The following RNF175 variants were observed in gnomAD, a reference collection of about 807,000 sequenced individuals.
RNF175 encodes ring finger protein 175.
In RNF175, 38 loss-of-function variants were observed where a neutral mutation model predicts 50.0. That is an observed-to-expected ratio of 0.76 (90% CI 0.59 to 1.00). The LOEUF (loss-of-function observed/expected upper bound fraction) is 1.00, where lower values mean the gene tolerates loss of function less well. Ranked by LOEUF, RNF175 falls within the 50% of genes least tolerant of loss-of-function variation. RNF175 has a pLI of 0.00. For missense variants in RNF175, 388 were observed against 409.6 expected (o/e 0.95, Z 0.46); for synonymous variants, 155 against 146.1 (o/e 1.06, Z -0.44).
intron 6 of RNF175, among the ~76,000 whole-genome samples, chr4:153,719,002 G>C (rs944543380): frequency 6.6e-6 from 1 of 152,072 alleles, no homozygotes; most frequent in Non-Finnish European, 1.5e-5. Context: ...TACACATGCA[G>C]GTTTGTTGCA....
rs1425939983 is a variant in RNF175, at chr4:153,734,830, C to T, written c.247-6469G>A. The stretch of plus-strand genomic sequence containing the variant: ...ACCTGGGACTACAGGCACCCGCCAC[C>T]ACACCCAGCTAATTTTTTGTATTTT... On this transcript the variant is annotated intron_variant, in intron 3 of 8. Coordinates refer to ENST00000347063, the MANE Select transcript of RNF175 (RefSeq NM_173662.4). Among the ~76,000 whole-genome samples the T allele has an allele frequency of 5.3e-5, 8 of 151,860 alleles. No homozygotes were observed. The South Asian group carries it at 1.7e-3, about 32-fold the overall frequency.
chr4:153,733,318 A>G (rs1739148826), intron 3 of RNF175, among the ~76,000 whole-genome samples: 1 of 152,246 alleles, frequency 6.6e-6, no homozygotes, highest in South Asian at 2.1e-4. Context: ...ATAATAATAC[A>G]TGCAGTATAC....
intron 4 of RNF175, 53 bp from the exon 5 acceptor site, chr4:153,723,511 G>A (rs529899370): frequency 1.7e-4 from 128 of 771,294 alleles, no homozygotes; most frequent in Admixed American, 5.5e-4. Flanking sequence ...CAGAAAAATG[G>A]GGAGAAACAC....
At chr4:153,720,538 T>A (rs12509119) in intron 5 of RNF175, 133,879 of 418,226 alleles carry the variant, frequency 0.32, 23,191 homozygotes, top group South Asian at 0.46. Flanking sequence ...AGCCTTCAAG[T>A]GCTTCTTAGG....
At chr4:153,756,721 C>G (rs1217538661) in intron 1 of RNF175, among the ~76,000 whole-genome samples, 1 of 152,174 alleles carries the variant, frequency 6.6e-6, no homozygotes, top group African/African-American at 2.4e-5. Context: ...TGAATAGGAC[C>G]TTGTGTTCTA....
chr4:153,726,551 G>T (rs911645918), intron 4 of RNF175, among the ~76,000 whole-genome samples: 5 of 152,220 alleles, frequency 3.3e-5, no homozygotes, highest in Non-Finnish European at 4.4e-5. Context: ...AACTGCTGGT[G>T]CTGGAGACCA....
At chr4:153,747,612 C>A (rs1466349995) in intron 3 of RNF175, among the ~76,000 whole-genome samples, 1 of 152,198 alleles carries the variant, frequency 6.6e-6, no homozygotes, top group Admixed American at 6.5e-5. Flanking sequence ...CTTAAGTGAT[C>A]GCTAAAAAGT....
In RNF175 at chr4:153,759,968, C is replaced by A; in HGVS notation, c.-106G>T. 1.6e-6 allele frequency: 1 copy of A among 621,418 alleles called. No individual in the cohort carries two copies. Among genetic ancestry groups the A allele is most frequent in the South Asian group, 4.8e-5 (1 of 20,866 alleles). The allele number at this position is 621,418 out of a possible 1,614,324, so 38.5% of individuals were successfully genotyped here. A position where few individuals can be genotyped will look rare whatever the true frequency, so the allele number is the denominator to read the frequency against. ...GGCCTCGGGAGCCGAGGGTGAGAGC[C>A]GGATCTGCGGCGGCGGCGGAGCGGC... On this transcript the variant is annotated 5_prime_UTR_variant, in exon 1 of 9. Coordinates refer to ENST00000347063, the MANE Select transcript of RNF175 (RefSeq NM_173662.4).
chr4:153,739,932 C>A (rs1739559118), intron 3 of RNF175, among the ~76,000 whole-genome samples: 1 of 151,992 alleles, frequency 6.6e-6, no homozygotes, highest in Non-Finnish European at 1.5e-5. Flanking sequence ...AATATTTTTT[C>A]AGTTCCATTA....
intron 3 of RNF175, among the ~76,000 whole-genome samples, chr4:153,733,707 TC>T (rs1739175073): frequency 2.6e-5 from 4 of 152,206 alleles, no homozygotes; most frequent in African/African-American, 9.6e-5. Context: ...CTCCCTGGAA[TC>T]CCCCAACCTC....
At chr4:153,710,611 G>A in intron 8 of RNF175, 122 bp from the exon 9 acceptor site, 2 of 958,142 alleles carry the variant, frequency 2.1e-6, no homozygotes, top group Non-Finnish European at 3.1e-6. Flanking sequence ...TTAATTCTAT[G>A]TGCTCAATTA....
intron 6 of RNF175, among the ~76,000 whole-genome samples, chr4:153,718,467 C>T (rs1738125796): frequency 6.6e-6 from 1 of 151,660 alleles, no homozygotes; most frequent in African/African-American, 2.4e-5. Context: ...TAGATTTGGT[C>T]GCTGGAATAA....
In RNF175 at chr4:153,712,531, CT is replaced by C; in HGVS notation, c.809del (p.Lys270SerfsTer13). ...CIRGWCIVGK[K>X]QTCPYCKEKV... ...TCTCTTTGCAGTAAGGGCAAGTCTG[CT>C]TTTTCCCAACGATACACCAACCTCG... On this transcript the variant is annotated frameshift_variant, in exon 8 of 9. Transcript: ENST00000347063. LOFTEE classifies it high-confidence loss of function. 2 of 1,613,378 alleles carry C rather than the reference CT, an allele frequency of 1.2e-6. No homozygotes were observed. The highest frequency in any genetic ancestry group is 1.1e-5 in the South Asian group (1 of 90,974).
chr4:153,722,131 A>G (rs1313315936), intron 5 of RNF175, among the ~76,000 whole-genome samples: 2 of 152,104 alleles, frequency 1.3e-5, no homozygotes, highest in East Asian at 1.9e-4. Context: ...TGTGAGAGCT[A>G]TTCTGGGGGA....
intron 6 of RNF175, 74 bp from the exon 7 acceptor site, chr4:153,715,736 C>A: frequency 6.6e-7 from 1 of 1,507,378 alleles, no homozygotes; most frequent in South Asian, 1.2e-5. Flanking sequence ...GAAGCCACTG[C>A]CAGGCACTGG....
chr4:153,743,095 A>G (rs966692114), intron 3 of RNF175, among the ~76,000 whole-genome samples: 2 of 152,200 alleles, frequency 1.3e-5, no homozygotes, highest in African/African-American at 2.4e-5. Context: ...AAGACTTTAA[A>G]TTCAGTAGTG....
At chr4:153,740,382 T>C (rs1329132353) in intron 3 of RNF175, among the ~76,000 whole-genome samples, 2 of 152,220 alleles carry the variant, frequency 1.3e-5, no homozygotes, top group African/African-American at 4.8e-5. Flanking sequence ...TGTACATGTA[T>C]ACATTGTGAA....
intron 6 of RNF175, among the ~76,000 whole-genome samples, chr4:153,718,365 C>T (rs142883514): frequency 5.6e-4 from 85 of 151,736 alleles, no homozygotes; most frequent in Non-Finnish European, 9.6e-4. Flanking sequence ...GTCACAAGCA[C>T]ATGCACAAGT....
intron 8 of RNF175, 96 bp downstream of exon 8, chr4:153,712,378 CT>C (rs1331913131): frequency 1.5e-5 from 12 of 815,340 alleles, no homozygotes; most frequent in Non-Finnish European, 2.3e-5. Context: ...AAATTTTCTG[CT>C]GGAACTATAC....
Sources: allele counts gnomAD v4.1 joint callset (sites outside exome capture counted in the v4.1 genomes callset), GRCh38; gene constraint gnomAD v4.1.1; transcripts MANE v1.5; gene names NCBI Gene and HGNC (gene_info 2026-07-23, HGNC 2026-07-21).